Variants in ZNF197 observed in about 807,000 individuals in gnomAD.
ZNF197 encodes the protein zinc finger protein 197.
Under a neutral mutation model 27.4 loss-of-function variants are expected in ZNF197, and 14 were observed. The ratio of observed to expected loss-of-function variants is 0.51; its 90% CI spans 0.34 to 0.80. ZNF197 has a LOEUF of 0.80. Among genes scored for constraint, ZNF197 ranks in the 30% least tolerant of loss-of-function variants. The pLI is 0.02. For missense variants in ZNF197, 1,090 were observed against 1,222.6 expected (o/e 0.89, Z 1.62); for synonymous variants, 415 against 420.0 (o/e 0.99, Z 0.15).
rs751934495 is a variant in ZNF197 at position 44,629,390 on chromosome 3, C to G, written c.236C>G (p.Ala79Gly). Residue 79 changes from alanine to glycine, a missense_variant, in exon 2 of 6, where the codon GCA becomes GGA. Transcript: ENST00000344387. Reference sequence around the variant, plus strand: ...CTGAGACCAGAAGCACGCACCAAGGCACAGATCCTGGAGCTGCTGGTGCTG... The same window carrying G: ...CTGAGACCAGAAGCACGCACCAAGGGACAGATCCTGGAGCTGCTGGTGCTG... ...RWLRPEARTK[A>G]QILELLVLEQ... The G allele has an allele frequency of 1.2e-6, 2 of 1,614,182 alleles. No individual in the cohort carries two copies. Among genetic ancestry groups the G allele is most frequent in the Non-Finnish European group, 1.7e-6 (2 of 1,180,036 alleles).
intron 3 of ZNF197, among the ~76,000 whole-genome samples, chr3:44,631,580 T>C (rs1702003838): frequency 6.6e-6 from 1 of 151,876 alleles, no homozygotes; most frequent in Admixed American, 6.6e-5. Context: ...TTTTAATTTT[T>C]TTTTTAGTAG....
At chr3:44,639,652 AT>A (rs1295247586) in intron 5 of ZNF197, among the ~76,000 whole-genome samples, 1 of 151,262 alleles carries the variant, frequency 6.6e-6, no homozygotes, top group Admixed American at 6.6e-5. Context: ...ACTCCTTTTT[AT>A]TTTTTTAAGA....
Position 44,642,990 on chromosome 3 carries a change from A to C in ZNF197, c.1860A>C (p.Lys620Asn). 1 of 1,613,922 alleles carries C rather than the reference A, an allele frequency of 6.2e-7. No individual in the cohort carries two copies. The highest frequency in any genetic ancestry group is 8.5e-7 in the Non-Finnish European group (1 of 1,179,960). The change falls in exon 6 of 6, where the codon AAA becomes AAC. Residue 620 changes from lysine to asparagine, a missense_variant. Coordinates refer to ENST00000344387, the MANE Select transcript of ZNF197 (RefSeq NM_006991.5). ...ATAAGAGGATGCACAGCAGAGAGAA[A>C]CCTTACAAATGCACTGAATGTGGGA... ...IDHKRMHSREKPYKCTECGKA... is the reference protein window; with the variant it reads ...IDHKRMHSRENPYKCTECGKA...
chr3:44,632,104 G>T lies in ZNF197; in HGVS notation c.551-1G>T, dbSNP rs1167375592. 6.2e-7 allele frequency: 1 copy of T among 1,613,950 alleles called. No individual in the cohort carries two copies. Among genetic ancestry groups the T allele is most frequent in the East Asian group, 2.2e-5 (1 of 44,886 alleles). On this transcript the variant is annotated splice_acceptor_variant, in intron 3 of 5. Coordinates refer to ENST00000344387, the MANE Select transcript of ZNF197 (RefSeq NM_006991.5). LOFTEE classifies it high-confidence loss of function. ...ATATGCAGCTTTTTCTCCCTCCTCA[G>T]ATTCTCCTGCCCCTGAAGCTTCTGC...
rs1353411598 is a variant in ZNF197 at position 44,629,497 on chromosome 3, G to A, written c.343G>A (p.Ala115Thr). The A allele has an allele frequency of 1.3e-6, 2 of 1,595,678 alleles. No individual in the cohort carries two copies. Among genetic ancestry groups the A allele is most frequent in the African/African-American group, 1.3e-5 (1 of 74,268 alleles). ...HHPGSGEEAVALVEELQKDLD... is the reference protein window; with the variant it reads ...HHPGSGEEAVTLVEELQKDLD... ...CCCTGGAAGTGGCGAGGAGGCTGTG[G>A]CCCTGGTAGAGGAGCTGCAGAAAGA... Residue 115 changes from alanine (A) to threonine (T), a missense_variant, in exon 2 of 6, where the codon GCC (alanine) becomes ACC (threonine). Coordinates refer to ENST00000344387, the MANE Select transcript of ZNF197 (RefSeq NM_006991.5).
At chr3:44,638,714 A>C (rs1305871496) in intron 5 of ZNF197, among the ~76,000 whole-genome samples, 2 of 152,100 alleles carry the variant, frequency 1.3e-5, no homozygotes, top group Non-Finnish European at 2.9e-5. Flanking sequence ...AATTTTTTTG[A>C]ACAGTGTCTT....
Position 44,631,319 on chromosome 3 carries a change from A to G in ZNF197, c.550+98A>G, listed in dbSNP as rs1701978455. On this transcript the variant is annotated intron_variant, in intron 3 of 5. Transcript: ENST00000344387. The stretch of plus-strand genomic sequence containing the variant: ...AGTTGCTTCCTCTGCTACCCTGTCT[A>G]GGAGTCTCTTACAGTGCCAATTTCT... 11 of 1,472,968 alleles carry G rather than the reference A, an allele frequency of 7.5e-6. No homozygotes were observed. In the East Asian group the frequency reaches 2.5e-4, roughly 33 times the overall value. The allele number at this position is 1,472,968 out of a possible 1,614,324, so 91.2% of individuals were successfully genotyped here.
chr3:44,626,370 T>C (rs540329207), intron 1 of ZNF197, among the ~76,000 whole-genome samples: 5 of 152,064 alleles, frequency 3.3e-5, no homozygotes, highest in Non-Finnish European at 7.4e-5. Flanking sequence ...AAGGTCTTTC[T>C]AATTGTGGTA....
Position 44,645,987 on chromosome 3 carries a change from T to C in ZNF197, c.*1767T>C. ...GAATAATACCTGAATATGAAGATTG[T>C]GTTTTTTAATAATGTCAAAGTGGTG... On this transcript the variant is annotated 3_prime_UTR_variant, in exon 6 of 6. Coordinates refer to ENST00000344387, the MANE Select transcript of ZNF197 (RefSeq NM_006991.5). 3.0e-6 allele frequency: 3 copies of C among 985,436 alleles called. No individual in the cohort carries two copies. The highest frequency in any genetic ancestry group is 3.6e-6 in the Non-Finnish European group (3 of 829,926). 61.0% of individuals were successfully genotyped at this position (985,436 alleles called of 1,614,324 possible). A position where few individuals can be genotyped will look rare whatever the true frequency, so the allele number is the denominator to read the frequency against.
chr3:44,630,644 G>A (rs984279065), intron 2 of ZNF197, among the ~76,000 whole-genome samples: 1 of 152,204 alleles, frequency 6.6e-6, no homozygotes, highest in Non-Finnish European at 1.5e-5. Context: ...GCCAATTTTA[G>A]TGTTAGTTGT....
chr3:44,629,647 C>A, intron 2 of ZNF197, 103 bp downstream of exon 2: 1 of 1,360,388 alleles, frequency 7.4e-7, no homozygotes, highest in Non-Finnish European at 9.8e-7. Flanking sequence ...AAATTAATAG[C>A]ATTAATAGCA....
At chr3:44,635,277 C>A (rs2125807959) in intron 5 of ZNF197, among the ~76,000 whole-genome samples, 1 of 151,908 alleles carries the variant, frequency 6.6e-6, no homozygotes, top group South Asian at 2.1e-4. Flanking sequence ...AATGTGCACT[C>A]CGATGTTGTT....
chr3:44,632,608 T>G lies in ZNF197; in HGVS notation c.769+9T>G. 6.5e-7 allele frequency: 1 copy of G among 1,527,424 alleles called. No individual in the cohort carries two copies. Among genetic ancestry groups the G allele is most frequent in the East Asian group, 2.3e-5 (1 of 43,396 alleles). 94.6% of individuals were successfully genotyped at this position (1,527,424 alleles called of 1,614,324 possible). A position where few individuals can be genotyped will look rare whatever the true frequency, so the allele number is the denominator to read the frequency against. Reference sequence around the variant, plus strand: ...AAATGTGACCTCCCTAGGTAAGGATTCTTCTTTCTATGATGCTTACCTTTA... The same window carrying G: ...AAATGTGACCTCCCTAGGTAAGGATGCTTCTTTCTATGATGCTTACCTTTA... On this transcript the variant is annotated intron_variant, in intron 5 of 5. Transcript: ENST00000344387.
chr3:44,644,897 A>G lies in ZNF197; in HGVS notation c.*677A>G. 1 of 978,396 alleles carries G rather than the reference A, an allele frequency of 1.0e-6. No individual in the cohort carries two copies. Among genetic ancestry groups the G allele is most frequent in the Non-Finnish European group, 1.2e-6 (1 of 823,598 alleles). 60.6% of individuals were successfully genotyped at this position (978,396 alleles called of 1,614,324 possible). A position where few individuals can be genotyped will look rare whatever the true frequency, so the allele number is the denominator to read the frequency against. Reference sequence around the variant, plus strand: ...TATTAATAAAACTAAAAATTTAATAATAAAAAGTGGACATTGTTTTTTAAA... The same window carrying G: ...TATTAATAAAACTAAAAATTTAATAGTAAAAAGTGGACATTGTTTTTTAAA... On this transcript the variant is annotated 3_prime_UTR_variant, in exon 6 of 6. Coordinates refer to ENST00000344387, the MANE Select transcript of ZNF197 (RefSeq NM_006991.5).
chr3:44,641,784 C>A, intron 5 of ZNF197, 116 bp from the exon 6 acceptor site: 1 of 1,217,712 alleles, frequency 8.2e-7, no homozygotes, highest in South Asian at 1.8e-5. Flanking sequence ...AAAGTTTCTC[C>A]TTTTTGTATG....
intron 1 of ZNF197, among the ~76,000 whole-genome samples, chr3:44,627,020 C>G (rs1012486602): frequency 2.6e-5 from 4 of 152,056 alleles, no homozygotes; most frequent in African/African-American, 9.7e-5. Context: ...GGAAAGATCT[C>G]TAAGACATAT....
chr3:44,629,622 T>G (rs1017699715), intron 2 of ZNF197, 78 bp downstream of exon 2: 1 of 1,458,728 alleles, frequency 6.9e-7, no homozygotes, highest in Non-Finnish European at 9.1e-7. Flanking sequence ...AGGGTGATCC[T>G]GTGATTTTCA....
chr3:44,644,220 G>A lies in ZNF197; in HGVS notation c.3090G>A (p.Ter1030=). ...CCAAGATTGAGATTCAGAAAATCTA[G>A]TGTCATATGTAAAATGGAATAGAAT... The part of the protein sequence containing the change: ...NESKIEIQKI[*] The change falls in exon 6 of 6, where the codon TAG becomes TAA. Residue 1030 remains the stop codon, a stop_retained_variant. Coordinates refer to ENST00000344387, the MANE Select transcript of ZNF197 (RefSeq NM_006991.5). 1 of 1,577,928 alleles carries A rather than the reference G, an allele frequency of 6.3e-7. No homozygotes were observed. The highest frequency in any genetic ancestry group is 8.6e-7 in the Non-Finnish European group (1 of 1,165,582).
rs528782304 is a variant in ZNF197 at position 44,644,635 on chromosome 3, T to C, written c.*415T>C. On this transcript the variant is annotated 3_prime_UTR_variant, in exon 6 of 6. Coordinates refer to ENST00000344387, the MANE Select transcript of ZNF197 (RefSeq NM_006991.5). Reference sequence around the variant, plus strand: ...GCCTGGGCAACAAGAGCGAAACTCTTGTCTGAAAAAATAAAGTTCATCCCA... The same window carrying C: ...GCCTGGGCAACAAGAGCGAAACTCTCGTCTGAAAAAATAAAGTTCATCCCA... 1 of 987,868 alleles carries C rather than the reference T, an allele frequency of 1.0e-6. No homozygotes were observed. The highest frequency in any genetic ancestry group is 1.7e-5 in the African/African-American group (1 of 57,396). 61.2% of individuals were successfully genotyped at this position (987,868 alleles called of 1,614,324 possible). A position where few individuals can be genotyped will look rare whatever the true frequency, so the allele number is the denominator to read the frequency against.
Sources: allele counts gnomAD v4.1 joint callset (sites outside exome capture counted in the v4.1 genomes callset), GRCh38; gene constraint gnomAD v4.1.1; transcripts MANE v1.5; gene names NCBI Gene and HGNC (gene_info 2026-07-23, HGNC 2026-07-21).